ACSF2: variants seen among roughly 807,000 people sequenced by gnomAD.
ACSF2 encodes medium-chain acyl-CoA ligase ACSF2, mitochondrial.
ACSF2 carries 52 observed loss-of-function variants against 79.3 expected under a neutral mutation model. The observed-to-expected ratio is 0.66, with a 90% CI of 0.53 to 0.83. The LOEUF is 0.83. ACSF2 is among the 40% of genes least tolerant of loss of function. The probability of loss-of-function intolerance (pLI) is 0.00; values close to 1 mark genes in which losing one functional copy is unlikely to be tolerated. For missense variants in ACSF2, 661 were observed against 803.3 expected, an observed-to-expected ratio of 0.82 and a Z score of 2.14; for synonymous variants, 283 against 312.6, an observed-to-expected ratio of 0.91 and a Z score of 1.00.
intron 1 of ACSF2, among the ~76,000 whole-genome samples, chr17:50,452,998 C>T (rs929870027): frequency 5.9e-5 from 9 of 151,980 alleles, no homozygotes; most frequent in African/African-American, 1.9e-4. Flanking sequence ...AATTCCAAAC[C>T]AGAAGGAACA....
intron 1 of ACSF2, among the ~76,000 whole-genome samples, chr17:50,429,081 C>A (rs1567833603): frequency 6.6e-6 from 1 of 152,260 alleles, no homozygotes; most frequent in Non-Finnish European, 1.5e-5. Flanking sequence ...CTATTACTTA[C>A]CAGACCCTGG....
chr17:50,438,893 T>G (rs535488697), intron 1 of ACSF2, among the ~76,000 whole-genome samples: 4 of 152,264 alleles, frequency 2.6e-5, no homozygotes, highest in Non-Finnish European at 4.4e-5. Flanking sequence ...TAAGGTTGAT[T>G]GAATCCACAG....
intron 10 of ACSF2, chr17:50,465,052 G>A (rs2032607288): frequency 3.7e-6 from 2 of 534,362 alleles, no homozygotes; most frequent in Non-Finnish European, 6.7e-6. Context: ...GTCAGAACCT[G>A]CAAAGAGGCA....
intron 4 of ACSF2, 25 bp from the exon 5 acceptor site, chr17:50,462,159 G>A (rs1442268027): frequency 6.2e-7 from 1 of 1,607,796 alleles, no homozygotes; most frequent in Non-Finnish European, 8.5e-7. Flanking sequence ...CCGCTGACTG[G>A]AGGTGGGGGA....
At chr17:50,456,055 T>C (rs1474036707) in intron 1 of ACSF2, among the ~76,000 whole-genome samples, 1 of 152,170 alleles carries the variant, frequency 6.6e-6, no homozygotes, top group Non-Finnish European at 1.5e-5. Context: ...GAACAATCAA[T>C]AGAAGATATA....
rs766045803 is a variant in ACSF2, at chr17:50,460,737, G to T, written c.189G>T (p.Gly63=). The stretch of plus-strand genomic sequence containing the variant: ...TCGGAGGCCTCAGCTACGTTCAGGG[G>T]TGCACCAAAAAGCATCTTAACAGCA... ...TPIGGLSYVQ[G]CTKKHLNSKT... Residue 63 remains glycine (G), a synonymous_variant, in exon 2 of 16, where the codon GGG becomes GGT. Coordinates refer to ENST00000300441, the MANE Select transcript of ACSF2 (RefSeq NM_025149.6). 1 of 1,613,478 alleles carries T rather than the reference G, an allele frequency of 6.2e-7. No individual in the cohort carries two copies.
intron 10 of ACSF2, chr17:50,464,589 C>T (rs772073697): frequency 1.8e-5 from 10 of 564,544 alleles, no homozygotes; most frequent in Non-Finnish European, 3.0e-5. Context: ...CCTGCTAGAA[C>T]GTCCTGGCAG....
intron 10 of ACSF2, among the ~76,000 whole-genome samples, chr17:50,470,533 C>T (rs1329451468): frequency 2.0e-5 from 3 of 151,894 alleles, no homozygotes; most frequent in Admixed American, 2.0e-4. Flanking sequence ...TCAGGGTTTG[C>T]AGAATGCGGG....
chr17:50,472,249 T>G, intron 11 of ACSF2, 179 bp from the exon 12 acceptor site: 6 of 649,662 alleles, frequency 9.2e-6, no homozygotes, highest in South Asian at 2.3e-5. Flanking sequence ...CTCACTGGCT[T>G]TGGGTCGACT....
Position 50,436,424 on chromosome 17 carries a change from C to T in ACSF2, c.128+10035C>T, listed in dbSNP as rs923002400. ...GATTACAGGCGTGAGCCACCACGCC[C>T]GGCCTGTTGTTGTTATTATTTTCCT... On this transcript the variant is annotated intron_variant, in intron 1 of 15. Transcript: ENST00000300441. 3.4e-5 allele frequency among the ~76,000 whole-genome samples: 5 copies of T among 148,590 alleles called. No individual in the cohort carries two copies. The Admixed American group carries it at 3.4e-4, about 10-fold the overall frequency.
In ACSF2 at chr17:50,433,482, A is replaced by T. The variant is rs1287409014; in HGVS notation, c.128+7093A>T. Among the ~76,000 whole-genome samples, 7 of 152,150 alleles carry T rather than the reference A, an allele frequency of 4.6e-5. No homozygotes were observed. The East Asian group carries it at 1.2e-3, about 25-fold the overall frequency. On this transcript the variant is annotated intron_variant, in intron 1 of 15. Transcript: ENST00000300441. ...TACCTCAAAGGTTTTCTTCCTAGAA[A>T]ACTAATATCTAGCCTTGTATGTATT...
intron 1 of ACSF2, among the ~76,000 whole-genome samples, chr17:50,434,457 C>T (rs1019840071): frequency 1.3e-5 from 2 of 152,018 alleles, no homozygotes; most frequent in African/African-American, 4.8e-5. Flanking sequence ...GAGGCTGAGG[C>T]AGGTGGATCA....
In ACSF2 at chr17:50,460,879, C is replaced by T; in HGVS notation, c.324+7C>T. ...TGCCCAACTCAAGGAGGAGGTGGGT[C>T]CTGACCTGGAAACCTCAAAGTGGGC... On this transcript the variant is annotated splice_region_variant and intron_variant, in intron 2 of 15. Transcript: ENST00000300441. 6.2e-7 allele frequency: 1 copy of T among 1,604,512 alleles called. No homozygotes were observed. Among genetic ancestry groups the T allele is most frequent in the South Asian group, 1.1e-5 (1 of 89,644 alleles).
At chr17:50,459,463 G>A (rs537135625) in intron 1 of ACSF2, among the ~76,000 whole-genome samples, 2 of 152,228 alleles carry the variant, frequency 1.3e-5, no homozygotes, top group Admixed American at 6.5e-5. Flanking sequence ...GGCTGATCTC[G>A]AACTCCTGGG....
At position 50,468,149 on chromosome 17, in the gene ACSF2, T is replaced by C. The variant is rs778531525; in HGVS notation, c.1216-2879T>C. The C allele has an allele frequency of 1.9e-6, 3 of 1,614,046 alleles. No individual in the cohort carries two copies. Among genetic ancestry groups the C allele is most frequent in the Admixed American group, 1.7e-5 (1 of 59,986 alleles). On this transcript the variant is annotated intron_variant, in intron 10 of 15. Transcript: ENST00000300441. ...GGGGTTGTGGGACAGCTTCAGCTCCTCCACCACCCGTAGCTTGCTCAGGGC... is the reference window on the plus strand; with the variant it reads ...GGGGTTGTGGGACAGCTTCAGCTCCCCCACCACCCGTAGCTTGCTCAGGGC...
At chr17:50,449,756 CACATA>C (rs1291381111) in intron 1 of ACSF2, among the ~76,000 whole-genome samples, 1 of 152,118 alleles carries the variant, frequency 6.6e-6, no homozygotes, top group African/African-American at 2.4e-5. Flanking sequence ...TAGTAAAATA[CACATA>C]ACATACAATT....
chr17:50,468,989 CCA>C (rs2032954032), intron 10 of ACSF2: 1 of 1,366,422 alleles, frequency 7.3e-7, no homozygotes, highest in Admixed American at 3.6e-5. Context: ...TCGCTCGCGC[CCA>C]GAGATGCGCC....
At position 50,431,996 on chromosome 17, in the gene ACSF2, C is replaced by T. The variant is rs546619615; in HGVS notation, c.128+5607C>T. The stretch of plus-strand genomic sequence containing the variant: ...TCACAGCTCACTACAGCCTCGAACT[C>T]TTGAGTGATCCTCCTATCTCAGCCT... On this transcript the variant is annotated intron_variant, in intron 1 of 15. Transcript: ENST00000300441. Among the ~76,000 whole-genome samples, 3 of 152,220 alleles carry T rather than the reference C, an allele frequency of 2.0e-5. No homozygotes were observed. In the South Asian group the frequency reaches 6.2e-4, roughly 32 times the overall value.
intron 10 of ACSF2, among the ~76,000 whole-genome samples, chr17:50,470,686 G>A (rs1378042630): frequency 6.6e-6 from 1 of 151,958 alleles, no homozygotes. Context: ...GCCAGGGGAT[G>A]GGGGGAGAAG....
Sources: gnomAD v4.1 joint callset for allele counts (sites outside exome capture counted in the v4.1 genomes callset) on GRCh38, gnomAD v4.1.1 for gene constraint, MANE v1.5 for transcripts, NCBI Gene and HGNC (gene_info 2026-07-23, HGNC 2026-07-21) for gene names.